RAP1B: variants seen among roughly 807,000 people sequenced by gnomAD.
RAP1B encodes the protein RAP1B, member of RAS oncogene family.
In RAP1B, 1 loss-of-function variant was observed where a neutral mutation model predicts 27.5. The ratio of observed to expected loss-of-function variants is 0.04; its 90% confidence interval spans 0.01 to 0.17. RAP1B has a LOEUF of 0.17. RAP1B is among the 10% of genes least tolerant of loss of function. The probability of loss-of-function intolerance (pLI) is 1.00; values close to 1 mark genes in which losing one functional copy is unlikely to be tolerated. For missense variants in RAP1B, 84 were observed against 214.8 expected, an observed-to-expected ratio of 0.39 and a Z score of 3.81; for synonymous variants, 75 against 73.1, an observed-to-expected ratio of 1.03 and a Z score of -0.13.
intron 1 of RAP1B, chr12:68,642,643 C>T (rs1592452201): frequency 1.9e-6 from 2 of 1,075,700 alleles, no homozygotes; most frequent in Non-Finnish European, 2.9e-6. Flanking sequence ...TCATCTTCTC[C>T]ATCTGTTTCT....
rs933726233 is a variant in RAP1B, at chr12:68,644,583, C to CA, written c.-26-4106dup. On this transcript the variant is annotated intron_variant, in intron 1 of 7. Transcript: ENST00000250559. Reference sequence around the variant, plus strand: ...TGGGTGACAGAGCAAGACTCCATCTCAAAAAAAAAAGTCGAGCAGTGATTC... The same window carrying CA: ...TGGGTGACAGAGCAAGACTCCATCTCAAAAAAAAAAAGTCGAGCAGTGATTC... 7.5e-4 allele frequency among the ~76,000 whole-genome samples: 103 copies of CA among 137,898 alleles called. 3 individuals are homozygous for CA. Among genetic ancestry groups the CA allele is most frequent in the Admixed American group, 8.1e-4 (11 of 13,556 alleles). The allele number at this position is 137,898 out of a possible 152,430, so 90.5% of individuals were successfully genotyped here.
chr12:68,658,671 A>T (rs1391511880), intron 7 of RAP1B, among the ~76,000 whole-genome samples: 1 of 129,108 alleles, frequency 7.7e-6, no homozygotes, highest in Non-Finnish European at 1.9e-5. Context: ...ATCAGTCTTA[A>T]TAGAATGTTT....
chr12:68,617,265 T>TA (rs1325503521), intron 1 of RAP1B, among the ~76,000 whole-genome samples: 1 of 152,250 alleles, frequency 6.6e-6, no homozygotes, highest in Non-Finnish European at 1.5e-5. Flanking sequence ...AGCTGTTTGT[T>TA]ACCTTGTGTT....
chr12:68,620,225 A>AT (rs906529229), intron 1 of RAP1B, among the ~76,000 whole-genome samples: 5 of 145,368 alleles, frequency 3.4e-5, no homozygotes, highest in Admixed American at 2.1e-4. Context: ...TTTTATTTTT[A>AT]TTTTTTTTAA....
chr12:68,635,964 C>A (rs546043590), intron 1 of RAP1B, among the ~76,000 whole-genome samples: 3 of 151,952 alleles, frequency 2.0e-5, no homozygotes, highest in African/African-American at 7.3e-5. Flanking sequence ...CTGCAAATTC[C>A]GCCTCCTGGA....
rs149285513 is a variant in RAP1B at position 68,612,208 on chromosome 12, G to A, written c.-27+1165G>A. 9.1e-3 allele frequency among the ~76,000 whole-genome samples: 1,389 copies of A among 152,270 alleles called. 10 individuals are homozygous for A. The highest frequency in any genetic ancestry group is 0.019 in the South Asian group (94 of 4,828). On this transcript the variant is annotated intron_variant, in intron 1 of 7. Coordinates refer to ENST00000250559, the MANE Select transcript of RAP1B (RefSeq NM_001010942.3). ...GCAGGCAGCATCTCATATATGTCGA[G>A]TACTTAACAATTTAAAGCTCTGACT...
At position 68,656,362 on chromosome 12, in the gene RAP1B, G is replaced by A. The variant is rs1352868277; in HGVS notation, c.381G>A (p.Gly127=). The part of the protein sequence containing the change: ...KCDLEDERVV[G]KEQGQNLARQ... ...ACTTGGAAGATGAAAGAGTTGTAGG[G>A]AAGGAACAAGGTCAAAATCTAGCAA... Residue 127 remains glycine, a synonymous_variant, in exon 6 of 8, where the codon GGG becomes GGA. Coordinates refer to ENST00000250559, the MANE Select transcript of RAP1B (RefSeq NM_001010942.3). 1.2e-6 allele frequency: 2 copies of A among 1,608,386 alleles called. No individual in the cohort carries two copies.
At chr12:68,618,949 A>T (rs1270655312) in intron 1 of RAP1B, among the ~76,000 whole-genome samples, 1 of 145,820 alleles carries the variant, frequency 6.9e-6, no homozygotes, top group Non-Finnish European at 1.5e-5. Context: ...CTCTCCTATT[A>T]AAAAAAAAAA....
At chr12:68,624,598 T>G (rs1168676412) in intron 1 of RAP1B, 2 of 152,180 alleles carry the variant, frequency 1.3e-5, no homozygotes, top group Non-Finnish European at 2.9e-5. Context: ...GGCGGATCAC[T>G]TGAGGCCAGA....
intron 4 of RAP1B, 98 bp downstream of exon 4, chr12:68,652,149 A>AAAAGTACTGC (rs1480558767): frequency 1.0e-6 from 1 of 966,074 alleles, no homozygotes; most frequent in African/African-American, 1.6e-5. Flanking sequence ...AAGCTTATTT[A>AAAAGTACTGC]AAAGTACTGC....
chr12:68,621,284 T>C (rs1871368831), intron 1 of RAP1B, among the ~76,000 whole-genome samples: 1 of 152,206 alleles, frequency 6.6e-6, no homozygotes, highest in African/African-American at 2.4e-5. Flanking sequence ...CTAGCAATTC[T>C]GAATTAGGGA....
rs1162736531 is a variant in RAP1B, at chr12:68,667,577, T to A, written c.*8328T>A. 6.6e-6 allele frequency: 1 copy of A among 152,240 alleles called. No individual in the cohort carries two copies. The highest frequency in any genetic ancestry group is 1.5e-5 in the Non-Finnish European group (1 of 68,032). 9.4% of individuals were successfully genotyped at this position (152,240 alleles called of 1,614,324 possible). Reference sequence around the variant, plus strand: ...AAAAATGAATTTGGGCTTCTCCAGATAGCCTTTTTATCCATTTATTATTTC... The same window carrying A: ...AAAAATGAATTTGGGCTTCTCCAGAAAGCCTTTTTATCCATTTATTATTTC... On this transcript the variant is annotated 3_prime_UTR_variant, in exon 8 of 8. Transcript: ENST00000250559.
intron 5 of RAP1B, among the ~76,000 whole-genome samples, chr12:68,654,845 T>C (rs762069706): frequency 3.3e-5 from 5 of 152,166 alleles, no homozygotes; most frequent in Non-Finnish European, 5.9e-5. Flanking sequence ...TCACACTAAA[T>C]ATAGCAGTGG....
At chr12:68,644,951 G>T (rs1455570227) in intron 1 of RAP1B, among the ~76,000 whole-genome samples, 1 of 151,876 alleles carries the variant, frequency 6.6e-6, no homozygotes, top group Non-Finnish European at 1.5e-5. Flanking sequence ...CAACCGCCTC[G>T]GCCTCCCAAA....
chr12:68,626,768 C>G, intron 1 of RAP1B: 1 of 1,176,548 alleles, frequency 8.5e-7, no homozygotes, highest in Non-Finnish European at 1.2e-6. Flanking sequence ...CAGAATTTTC[C>G]AGGGTGTTTT....
At chr12:68,611,891 A>G (rs1029744937) in intron 1 of RAP1B, among the ~76,000 whole-genome samples, 7 of 152,184 alleles carry the variant, frequency 4.6e-5, no homozygotes, top group African/African-American at 1.4e-4. Context: ...CGCCCAGTGA[A>G]CCGGGCTCTC....
At chr12:68,647,320 G>A (rs1873479480) in intron 1 of RAP1B, among the ~76,000 whole-genome samples, 1 of 147,670 alleles carries the variant, frequency 6.8e-6, no homozygotes, top group Middle Eastern at 3.3e-3. Flanking sequence ...GGATCATGAG[G>A]TCAAGAGATC....
intron 1 of RAP1B, among the ~76,000 whole-genome samples, chr12:68,639,805 T>TTCAGC (rs1032323537): frequency 6.6e-6 from 1 of 152,100 alleles, no homozygotes; most frequent in African/African-American, 2.4e-5. Flanking sequence ...CAAATTTAAC[T>TTCAGC]TCAGCCACAA....
At position 68,648,821 on chromosome 12, in the gene RAP1B, A is replaced by G. The variant is rs781656276; in HGVS notation, c.57+40A>G. ...CTTTACCTAAGCCTTTCACTCCAAG[A>G]CGTTCTTTTTCTGTTGAGTTTTAGG... is the stretch of plus-strand genomic sequence containing the variant. On this transcript the variant is annotated intron_variant, in intron 2 of 7. Transcript: ENST00000250559. 1.0e-5 allele frequency: 16 copies of G among 1,547,774 alleles called. No individual in the cohort carries two copies. In the East Asian group the frequency reaches 2.9e-4, roughly 28 times the overall value.
Sources: gnomAD v4.1 joint callset for allele counts (sites outside exome capture counted in the v4.1 genomes callset) on GRCh38, gnomAD v4.1.1 for gene constraint, MANE v1.5 for transcripts, NCBI Gene and HGNC (gene_info 2026-07-23, HGNC 2026-07-21) for gene names.